CRTAC1: variants seen among roughly 807,000 people sequenced by gnomAD.
CRTAC1 encodes cartilage acidic protein 1.
In CRTAC1, 37 loss-of-function variants were observed where a neutral mutation model predicts 67.8. The observed-to-expected ratio is 0.55, with a 90% confidence interval of 0.42 to 0.72. CRTAC1 has a LOEUF of 0.72. CRTAC1 is among the 30% of genes least tolerant of loss of function. The probability of loss-of-function intolerance (pLI) is 0.00; values close to 1 mark genes in which losing one functional copy is unlikely to be tolerated. For missense variants in CRTAC1, 780 were observed against 931.6 expected (o/e 0.84, Z 2.12); for synonymous variants, 348 against 371.0 (o/e 0.94, Z 0.71).
At chr10:97,934,682 C>T (rs902994396) in intron 3 of CRTAC1, among the ~76,000 whole-genome samples, 7 of 152,094 alleles carry the variant, frequency 4.6e-5, no homozygotes, top group South Asian at 4.1e-4. Context: ...AGGCAGTCAC[C>T]GGCCTCCAGG....
chr10:97,967,001 C>A (rs200399253), intron 2 of CRTAC1, among the ~76,000 whole-genome samples: 53,120 of 148,904 alleles, frequency 0.36, 10,167 homozygotes, highest in Non-Finnish European at 0.43. Context: ...TCACCCCCCC[C>A]CCCCCGACAT....
chr10:97,898,345 C>T (rs1014865562), intron 8 of CRTAC1, among the ~76,000 whole-genome samples: 8 of 152,250 alleles, frequency 5.3e-5, no homozygotes, highest in African/African-American at 1.2e-4. Context: ...GGGAAGCTCA[C>T]CCAGATTCGG....
chr10:98,005,441 CAG>C (rs1842772438), intron 2 of CRTAC1, among the ~76,000 whole-genome samples: 5 of 151,332 alleles, frequency 3.3e-5, no homozygotes, highest in Non-Finnish European at 5.9e-5. Flanking sequence ...AAAAAAGAAA[CAG>C]AATGAAATAA....
intron 2 of CRTAC1, among the ~76,000 whole-genome samples, chr10:97,979,354 C>T (rs1162959531): frequency 6.6e-6 from 1 of 152,070 alleles, no homozygotes; most frequent in Admixed American, 6.5e-5. Context: ...TCCGATATAC[C>T]CCACCCGAAC....
intron 2 of CRTAC1, among the ~76,000 whole-genome samples, chr10:97,951,114 G>A (rs2051349222): frequency 6.6e-6 from 1 of 152,138 alleles, no homozygotes; most frequent in African/African-American, 2.4e-5. Context: ...CGTGGTGTTG[G>A]ACCCTTTGCT....
rs187872950 is a variant in CRTAC1 at position 98,029,530 on chromosome 10, A to G, written c.24+919T>C. 4.9e-3 allele frequency among the ~76,000 whole-genome samples: 427 copies of G among 86,662 alleles called. 1 individual carries two copies. Among genetic ancestry groups the G allele is most frequent in the Middle Eastern group, 0.011 (2 of 180 alleles). 56.9% of individuals were successfully genotyped at this position (86,662 alleles called of 152,430 possible). A position where few individuals can be genotyped will look rare whatever the true frequency, so the allele number is the denominator to read the frequency against. The stretch of plus-strand genomic sequence containing the variant: ...CGGCGGCGGCGGCGGCGGCGGCGGC[A>G]GCAGCAGCAATATTCATTAGTCATT... On this transcript the variant is annotated intron_variant, in intron 1 of 14. Transcript: ENST00000370597. The surrounding 1 kb of genome is among the most constrained non-coding windows in gnomAD (Gnocchi z 4.7).
chr10:97,971,602 C>T (rs535270901), intron 2 of CRTAC1, among the ~76,000 whole-genome samples: 3 of 152,262 alleles, frequency 2.0e-5, no homozygotes, highest in African/African-American at 2.4e-5. Context: ...TGCACAACAA[C>T]GTGGATGCAC....
At chr10:97,897,076 A>G in intron 8 of CRTAC1, 85 bp from the exon 9 acceptor site, 1 of 993,460 alleles carries the variant, frequency 1.0e-6, no homozygotes, top group Non-Finnish European at 1.5e-6. Context: ...CTGTCCCCTG[A>G]GCATCCCCGG....
At chr10:97,876,329 A>G (rs1238689830) in intron 14 of CRTAC1, among the ~76,000 whole-genome samples, 1 of 152,218 alleles carries the variant, frequency 6.6e-6, no homozygotes, top group African/African-American at 2.4e-5. Flanking sequence ...ATGAGGATTA[A>G]ACGAGTTGAT....
At chr10:97,932,440 A>G (rs1483517533) in intron 3 of CRTAC1, among the ~76,000 whole-genome samples, 2 of 152,216 alleles carry the variant, frequency 1.3e-5, no homozygotes, top group Non-Finnish European at 2.9e-5. Context: ...CTAAGACCCT[A>G]GTAGGAGAGA....
chr10:97,982,163 C>T (rs2051902266), intron 2 of CRTAC1, among the ~76,000 whole-genome samples: 1 of 152,214 alleles, frequency 6.6e-6, no homozygotes, highest in Non-Finnish European at 1.5e-5. Context: ...TTCTGACTCA[C>T]TCAAATGATA....
chr10:98,005,198 G>A (rs1472414450), intron 2 of CRTAC1, among the ~76,000 whole-genome samples: 5 of 136,624 alleles, frequency 3.7e-5, no homozygotes, highest in Admixed American at 8.2e-5. Flanking sequence ...TCCCCCTCCC[G>A]AGTTCAAGCG....
chr10:97,960,642 A>G (rs1402551168), intron 2 of CRTAC1, among the ~76,000 whole-genome samples: 2 of 152,232 alleles, frequency 1.3e-5, no homozygotes, highest in African/African-American at 4.8e-5. Flanking sequence ...AAACGGGTTC[A>G]ACAAGGCAGG....
intron 7 of CRTAC1, among the ~76,000 whole-genome samples, chr10:97,902,398 T>C (rs538756766): frequency 2.0e-5 from 3 of 152,298 alleles, no homozygotes; most frequent in Admixed American, 2.0e-4. Flanking sequence ...CTTGGGAGTC[T>C]TTTTATTTTT....
intron 2 of CRTAC1, among the ~76,000 whole-genome samples, chr10:97,968,709 C>G (rs1446441612): frequency 6.6e-6 from 1 of 152,198 alleles, no homozygotes; most frequent in Non-Finnish European, 1.5e-5. Context: ...ATAGGATGGC[C>G]ACCCTACTGC....
intron 2 of CRTAC1, among the ~76,000 whole-genome samples, chr10:97,973,552 C>G (rs1343111452): frequency 2.6e-5 from 4 of 152,108 alleles, no homozygotes; most frequent in Admixed American, 6.5e-5. Context: ...GAAAATCGAA[C>G]TTCCTCCCCT....
chr10:97,976,373 A>G (rs1271669086), intron 2 of CRTAC1, among the ~76,000 whole-genome samples: 2 of 152,180 alleles, frequency 1.3e-5, no homozygotes, highest in African/African-American at 2.4e-5. Context: ...CCCATAGGGT[A>G]GTATTTGGCC....
At chr10:97,932,584 A>G (rs866601121) in intron 3 of CRTAC1, among the ~76,000 whole-genome samples, 4 of 152,156 alleles carry the variant, frequency 2.6e-5, no homozygotes, top group Non-Finnish European at 1.5e-5. Context: ...TCACTGGAGG[A>G]GGGGCCTGAA....
At chr10:97,865,835 T>A in intron 14 of CRTAC1, 121 bp from the exon 15 acceptor site, 19 of 735,388 alleles carry the variant, frequency 2.6e-5, no homozygotes, top group East Asian at 3.5e-5. Flanking sequence ...GGAGGGAGGG[T>A]GACGGGCCTC....
Sources: allele counts gnomAD v4.1 joint callset (sites outside exome capture counted in the v4.1 genomes callset), GRCh38; gene constraint gnomAD v4.1.1; non-coding constraint Gnocchi (gnomAD v3.1); transcripts MANE v1.5; gene names NCBI Gene and HGNC (gene_info 2026-07-23, HGNC 2026-07-21).